TMCO6: variants seen among roughly 807,000 people sequenced by gnomAD.
The protein encoded by TMCO6 is transmembrane and coiled-coil domains 6.
TMCO6 carries 47 observed loss-of-function variants against 61.8 expected under a neutral mutation model. That is an observed-to-expected ratio of 0.76 (90% CI 0.60 to 0.97). TMCO6 has a LOEUF of 0.97. TMCO6 is among the 50% of genes least tolerant of loss of function. The pLI, the probability that TMCO6 is intolerant of heterozygous loss-of-function variation, is 0.00. For synonymous variants in TMCO6, 261 were observed against 254.2 expected, an observed-to-expected ratio of 1.03 and a Z score of -0.25; for missense variants, 557 against 601.6, an observed-to-expected ratio of 0.93 and a Z score of 0.78.
At chr5:140,635,958 T>C (rs1388964481), upstream of TMCO6, among the ~76,000 whole-genome samples, 2 of 152,202 alleles carry the variant, frequency 1.3e-5, no homozygotes, top group Non-Finnish European at 2.9e-5. Context: ...GGAACTTTTT[T>C]CATCTTCCCC....
chr5:140,639,674 C>T, intron 1 of TMCO6, 62 bp downstream of exon 1: 2 of 1,544,728 alleles, frequency 1.3e-6, no homozygotes, highest in Non-Finnish European at 1.8e-6. Context: ...AGACCCCAGG[C>T]TCGGAGCCGC....
the TMCO6 span, among the ~76,000 whole-genome samples, chr5:140,603,773 G>A: frequency 3.3e-5 from 5 of 151,860 alleles, no homozygotes; most frequent in African/African-American, 9.7e-5. Flanking sequence ...TTCACCATTC[G>A]GTTATTATGA....
rs750621013 is a variant in TMCO6 at position 140,642,263 on chromosome 5, G to A, written c.499-52G>A. The A allele has an allele frequency of 1.8e-4, 278 of 1,517,778 alleles. 1 individual carries two copies. In the Middle Eastern group the frequency reaches 2.1e-3, roughly 11 times the overall value. 94.0% of individuals were successfully genotyped at this position (1,517,778 alleles called of 1,614,324 possible). On this transcript the variant is annotated intron_variant, in intron 4 of 11. Coordinates refer to ENST00000394671, the MANE Select transcript of TMCO6 (RefSeq NM_018502.5). The stretch of plus-strand genomic sequence containing the variant: ...ACCTCCCCTCCCCATCTCCCCACAC[G>A]CAGCCTGGCATGAAACAGGCCAAGC...
Position 140,642,313 on chromosome 5 carries a change from A to G in TMCO6, c.499-2A>G. On this transcript the variant is annotated splice_acceptor_variant, in intron 4 of 11. Coordinates refer to ENST00000394671, the MANE Select transcript of TMCO6 (RefSeq NM_018502.5). LOFTEE classifies it high-confidence loss of function. ...CCCAGTGCTTTTGTTGCCTGTTCTC[A>G]GGAGCTGTGTCTGTATACACTGGGT... 1.2e-6 allele frequency: 2 copies of G among 1,608,508 alleles called. No individual in the cohort carries two copies. The highest frequency in any genetic ancestry group is 1.7e-6 in the Non-Finnish European group (2 of 1,177,096).
At chr5:140,631,807 C>T in the TMCO6 span, 1 of 1,499,660 alleles carries the variant, frequency 6.7e-7, no homozygotes, top group Non-Finnish European at 9.0e-7. Flanking sequence ...TGACGGGACT[C>T]CCCTGAAGCC....
chr5:140,646,139 T>C (rs578204606), downstream of TMCO6, among the ~76,000 whole-genome samples: 19 of 151,874 alleles, frequency 1.3e-4, no homozygotes, highest in African/African-American at 4.1e-4. Flanking sequence ...GCCTCCTGAG[T>C]AGCTGGGATT....
chr5:140,608,092 T>A, the TMCO6 span, among the ~76,000 whole-genome samples: 1 of 152,154 alleles, frequency 6.6e-6, no homozygotes, highest in African/African-American at 2.4e-5. Flanking sequence ...GCCCAGCCTC[T>A]CATTGTGTTT....
chr5:140,631,838 A>T, the TMCO6 span: 1 of 1,524,250 alleles, frequency 6.6e-7, no homozygotes, highest in Admixed American at 2.1e-5. Context: ...GAGTCCATTC[A>T]TTATTCTGTC....
chr5:140,641,914 A>G lies in TMCO6; in HGVS notation c.359A>G (p.Asn120Ser), dbSNP rs951598265. 1 of 1,613,462 alleles carries G rather than the reference A, an allele frequency of 6.2e-7. No homozygotes were observed. The highest frequency in any genetic ancestry group is 1.3e-5 in the African/African-American group (1 of 74,920). The change falls in exon 4 of 12, where the codon AAC becomes AGC. Residue 120 changes from asparagine (N) to serine (S), a missense_variant. Coordinates refer to ENST00000394671, the MANE Select transcript of TMCO6 (RefSeq NM_018502.5). ...MRTLVGLLTSNQALLQLEAAR... is the reference protein window; with the variant it reads ...MRTLVGLLTSSQALLQLEAAR... ...ACCCTGGTCGGGCTCCTGACCAGCA[A>G]CCAGGCCCTGCTGCAGCTTGAGGCG...
At chr5:140,619,516 A>G in the TMCO6 span, among the ~76,000 whole-genome samples, 1 of 152,174 alleles carries the variant, frequency 6.6e-6, no homozygotes, top group Non-Finnish European at 1.5e-5. Flanking sequence ...GTGCAATAAG[A>G]TAGGGAGGCT....
At chr5:140,596,842 G>T in the TMCO6 span, among the ~76,000 whole-genome samples, 1 of 152,178 alleles carries the variant, frequency 6.6e-6, no homozygotes, top group African/African-American at 2.4e-5. Context: ...AGCCTTGGAA[G>T]ACCAGCTCAA....
intron 1 of TMCO6, 21 bp downstream of exon 1, chr5:140,639,633 G>T (rs1287707637): frequency 6.5e-7 from 1 of 1,540,396 alleles, no homozygotes; most frequent in Non-Finnish European, 8.8e-7. Flanking sequence ...CCGAGGGAGC[G>T]CGGGGGTATA....
chr5:140,645,165 T>C lies in TMCO6; in HGVS notation c.*67T>C, dbSNP rs1010310158. ...CAAGCTTGTTTGTCCAGTAGAGCCTTTGGAGATTTAGGACCATAATGAGGT... is the reference window on the plus strand; with the variant it reads ...CAAGCTTGTTTGTCCAGTAGAGCCTCTGGAGATTTAGGACCATAATGAGGT... On this transcript the variant is annotated 3_prime_UTR_variant, in exon 12 of 12. Coordinates refer to ENST00000394671, the MANE Select transcript of TMCO6 (RefSeq NM_018502.5). 6.6e-7 allele frequency: 1 copy of C among 1,522,632 alleles called. No homozygotes were observed. Among genetic ancestry groups the C allele is most frequent in the South Asian group, 1.1e-5 (1 of 89,158 alleles). The allele number at this position is 1,522,632 out of a possible 1,614,324, so 94.3% of individuals were successfully genotyped here. A position where few individuals can be genotyped will look rare whatever the true frequency, so the allele number is the denominator to read the frequency against.
upstream of TMCO6, among the ~76,000 whole-genome samples, chr5:140,635,173 C>T (rs926838153): frequency 6.6e-6 from 1 of 152,238 alleles, no homozygotes; most frequent in Non-Finnish European, 1.5e-5. Context: ...CTCATCACTG[C>T]CCCCTGCGGG....
the TMCO6 span, among the ~76,000 whole-genome samples, chr5:140,601,606 G>T: frequency 6.6e-6 from 1 of 152,136 alleles, no homozygotes; most frequent in Admixed American, 6.6e-5. Flanking sequence ...CCAGGCTGGG[G>T]TGCAGTGACA....
At chr5:140,633,178 ACTCTTCGGCTGC>A in the TMCO6 span, 2 of 1,419,398 alleles carry the variant, frequency 1.4e-6, no homozygotes, top group South Asian at 1.2e-5. Context: ...ACACTTGTGA[ACTCTTCGGCTGC>A]CTCTGACAGT....
the TMCO6 span, among the ~76,000 whole-genome samples, chr5:140,603,595 A>T: frequency 6.6e-6 from 1 of 152,138 alleles, no homozygotes; most frequent in Non-Finnish European, 1.5e-5. Flanking sequence ...AGTGTGAGCC[A>T]CTGTGCCTGG....
At chr5:140,596,542 T>C in the TMCO6 span, among the ~76,000 whole-genome samples, 7 of 152,220 alleles carry the variant, frequency 4.6e-5, no homozygotes, top group African/African-American at 1.4e-4. Context: ...AGAACAGTTA[T>C]GCTGGTGGCC....
intron 6 of TMCO6, 105 bp downstream of exon 6, chr5:140,642,776 T>G (rs1757121450): frequency 9.5e-6 from 15 of 1,582,274 alleles, no homozygotes; most frequent in Non-Finnish European, 1.2e-5. Context: ...TTTAAATTCA[T>G]GTGTCTGGCT....
Sources: allele counts gnomAD v4.1 joint callset (sites outside exome capture counted in the v4.1 genomes callset), GRCh38; gene constraint gnomAD v4.1.1; transcripts MANE v1.5; gene names NCBI Gene and HGNC (gene_info 2026-07-23, HGNC 2026-07-21).